SCN11A: variants seen among roughly 807,000 people sequenced by gnomAD.
SCN11A encodes the protein sodium channel protein type 11 subunit alpha.
Under a neutral mutation model 162.2 loss-of-function variants are expected in SCN11A, and 122 were observed. The ratio of observed to expected loss-of-function variants is 0.75; its 90% CI spans 0.65 to 0.87. The LOEUF is 0.87. SCN11A is among the 40% of genes least tolerant of loss of function. SCN11A has a pLI of 0.00. For synonymous variants in SCN11A, 758 were observed against 751.5 expected, an observed-to-expected ratio of 1.01 and a Z score of -0.14; for missense variants, 2,015 against 2,181.6, an observed-to-expected ratio of 0.92 and a Z score of 1.52.
intron 1 of SCN11A, among the ~76,000 whole-genome samples, chr3:39,049,588 G>A (rs1014144608): frequency 5.3e-5 from 8 of 152,308 alleles, no homozygotes; most frequent in African/African-American, 1.9e-4. Flanking sequence ...ATGGGGTATT[G>A]GTCACTGCTT....
At chr3:38,933,058 C>T (rs1251637238) in intron 7 of SCN11A, among the ~76,000 whole-genome samples, 5 of 152,092 alleles carry the variant, frequency 3.3e-5, no homozygotes, top group Non-Finnish European at 5.9e-5. Flanking sequence ...GCAGCATTCG[C>T]GGTTCACAAA....
At chr3:38,962,720 C>G (rs545828351) in intron 2 of SCN11A, among the ~76,000 whole-genome samples, 1 of 151,808 alleles carries the variant, frequency 6.6e-6, no homozygotes, top group Non-Finnish European at 1.5e-5. Context: ...TGGTGGTGGG[C>G]GCCTATAATC....
In SCN11A at chr3:38,894,656, T is replaced by C. The variant is rs955504470; in HGVS notation, c.2712A>G (p.Pro904=). Residue 904 remains proline, a synonymous_variant, in exon 19 of 30, where the codon CCA becomes CCG. Transcript: ENST00000302328. ...AATCATGCCTGACGCCCAGGGTCTT[T>C]GGTACAGAGGTTAGTATACCAAGCT... The part of the protein sequence containing the change: ...QEELGILTSV[P]KTLGVRHDWT... 3 of 1,614,030 alleles carry C rather than the reference T, an allele frequency of 1.9e-6. No individual in the cohort carries two copies. Among genetic ancestry groups the C allele is most frequent in the East Asian group, 2.2e-5 (1 of 44,898 alleles).
chr3:38,888,999 T>C (rs1474495291), intron 19 of SCN11A, among the ~76,000 whole-genome samples: 1 of 152,106 alleles, frequency 6.6e-6, no homozygotes, highest in Non-Finnish European at 1.5e-5. Context: ...ACTACTGAAA[T>C]TAAATTTTTT....
chr3:38,876,133 G>T (rs1173534934), intron 23 of SCN11A, among the ~76,000 whole-genome samples: 1 of 152,114 alleles, frequency 6.6e-6, no homozygotes, highest in Non-Finnish European at 1.5e-5. Flanking sequence ...TTCAACAAAT[G>T]GTGCTGGGAT....
At chr3:38,950,414 G>A (rs1264012643) in intron 4 of SCN11A, 45 bp from the exon 5 acceptor site, 2 of 1,596,958 alleles carry the variant, frequency 1.3e-6, no homozygotes, top group East Asian at 2.2e-5. Context: ...GGCCTCAGGA[G>A]GCGGGAATAA....
chr3:38,847,658 C>T lies in SCN11A; in HGVS notation c.4412G>A (p.Gly1471Asp), dbSNP rs777583053. 1 of 1,613,936 alleles carries T rather than the reference C, an allele frequency of 6.2e-7. No homozygotes were observed. Among genetic ancestry groups the T allele is most frequent in the Non-Finnish European group, 8.5e-7 (1 of 1,179,852 alleles). ...AGCCCGGACAAGCCTCAGGATTCGG[C>T]CAATCCGAGCCAAGCGGACAATTCT... ...LFRIVRLARI[G>D]RILRLVRAAR... The change falls in exon 30 of 30, where the codon GGC becomes GAC. Residue 1471 changes from glycine to aspartate, a missense_variant. Gly to Asp is a moderately conservative substitution (Grantham distance 94). Coordinates refer to ENST00000302328, the MANE Select transcript of SCN11A (RefSeq NM_001349253.2).
Position 38,987,301 on chromosome 3 carries a change from TCTCACACA to T in SCN11A, c.-279-26886_-279-26879del, listed in dbSNP as rs1466825281. On this transcript the variant is annotated intron_variant, in intron 2 of 29. Transcript: ENST00000302328. ...CTTTCTCTCTCTCTCTCTCTCTCTCTCTCACACACACACACACACACACACACACACAC... is the reference window on the plus strand; with the variant it reads ...CTTTCTCTCTCTCTCTCTCTCTCTCTCACACACACACACACACACACACAC... 2.1e-3 allele frequency among the ~76,000 whole-genome samples: 234 copies of T among 113,558 alleles called. 2 individuals carry two copies. Among genetic ancestry groups the T allele is most frequent in the East Asian group, 0.012 (45 of 3,796 alleles). The allele number at this position is 113,558 out of a possible 152,430, so 74.5% of individuals were successfully genotyped here. A position where few individuals can be genotyped will look rare whatever the true frequency, so the allele number is the denominator to read the frequency against.
intron 16 of SCN11A, among the ~76,000 whole-genome samples, chr3:38,901,442 T>C (rs1229582618): frequency 6.6e-6 from 1 of 152,182 alleles, no homozygotes; most frequent in Non-Finnish European, 1.5e-5. Context: ...CACTCCTCCT[T>C]CTTGTATCTC....
rs200117854 is a variant in SCN11A, at chr3:38,949,088, C to G, written c.267+1008G>C. Among the ~76,000 whole-genome samples, 39 of 152,328 alleles carry G rather than the reference C, an allele frequency of 2.6e-4. No individual in the cohort carries two copies. In the East Asian group the frequency reaches 5.0e-3, roughly 20 times the overall value. ...ATCAGGCAATCTTTCTTTGAAAGGT[C>G]AGTTTCTTATGGATGCCAGCCAAAG... On this transcript the variant is annotated intron_variant, in intron 5 of 29. Transcript: ENST00000302328.
intron 2 of SCN11A, among the ~76,000 whole-genome samples, chr3:39,032,175 T>C (rs2031776933): frequency 6.6e-6 from 1 of 152,186 alleles, no homozygotes; most frequent in Non-Finnish European, 1.5e-5. Flanking sequence ...CTCAAAAAAT[T>C]AGTTTATTTA....
chr3:39,004,026 T>C (rs954652125), intron 2 of SCN11A, among the ~76,000 whole-genome samples: 5 of 152,246 alleles, frequency 3.3e-5, no homozygotes, highest in Admixed American at 2.6e-4. Context: ...TAAGCTTAAT[T>C]AGATCCCACC....
At chr3:38,877,165 CTA>C (rs748234508) in intron 23 of SCN11A, among the ~76,000 whole-genome samples, 18 of 87,216 alleles carry the variant, frequency 2.1e-4, no homozygotes, top group East Asian at 2.8e-4. Context: ...GGTGTATATA[CTA>C]TATATATGGT....
At chr3:38,980,772 A>G (rs2030000531) in intron 2 of SCN11A, among the ~76,000 whole-genome samples, 2 of 152,194 alleles carry the variant, frequency 1.3e-5, no homozygotes, top group African/African-American at 2.4e-5. Context: ...CATTTCATTT[A>G]TTTAAGAAAA....
intron 11 of SCN11A, among the ~76,000 whole-genome samples, chr3:38,913,890 T>G (rs1227379216): frequency 6.6e-6 from 1 of 152,228 alleles, no homozygotes; most frequent in East Asian, 1.9e-4. Context: ...TTTTGGTTAC[T>G]GTAGCCCTGT....
chr3:38,926,155 C>G (rs2066137333), intron 8 of SCN11A, among the ~76,000 whole-genome samples: 1 of 152,216 alleles, frequency 6.6e-6, no homozygotes, highest in South Asian at 2.1e-4. Flanking sequence ...TTGCTGACTC[C>G]ATTTCATCAT....
intron 2 of SCN11A, among the ~76,000 whole-genome samples, chr3:38,962,859 T>A (rs560421246): frequency 6.6e-6 from 1 of 150,844 alleles, no homozygotes; most frequent in Non-Finnish European, 1.5e-5. Context: ...AAATAAAAAA[T>A]AAAATAATAA....
In SCN11A at chr3:38,905,172, G is replaced by T. The variant is rs747396793; in HGVS notation, c.1603+20C>A. 6.2e-7 allele frequency: 1 copy of T among 1,613,806 alleles called. No individual in the cohort carries two copies. Among genetic ancestry groups the T allele is most frequent in the African/African-American group, 1.3e-5 (1 of 75,028 alleles). ...CATCACTGAAGTAGACTTTCCCTTGGATTGGGATGTGGAACTTACCCTTCA... is the reference window on the plus strand; with the variant it reads ...CATCACTGAAGTAGACTTTCCCTTGTATTGGGATGTGGAACTTACCCTTCA... On this transcript the variant is annotated intron_variant, in intron 15 of 29. Coordinates refer to ENST00000302328, the MANE Select transcript of SCN11A (RefSeq NM_001349253.2).
chr3:38,940,065 TA>T (rs1345810736), intron 7 of SCN11A, among the ~76,000 whole-genome samples: 5 of 150,116 alleles, frequency 3.3e-5, no homozygotes, highest in Non-Finnish European at 5.9e-5. Context: ...TACATATATA[TA>T]TATATATATA....
Sources: gnomAD v4.1 joint callset for allele counts (sites outside exome capture counted in the v4.1 genomes callset) on GRCh38, gnomAD v4.1.1 for gene constraint, MANE v1.5 for transcripts, NCBI Gene and HGNC (gene_info 2026-07-23, HGNC 2026-07-21) for gene names.